Variants in RNF216 observed in about 807,000 individuals in gnomAD.
The protein encoded by RNF216 is E3 ubiquitin-protein ligase RNF216.
Under a neutral mutation model 110.8 loss-of-function variants are expected in RNF216, and 72 were observed. That is an observed-to-expected ratio of 0.65 (90% CI 0.54 to 0.79). The LOEUF (loss-of-function observed/expected upper bound fraction) is 0.79. Ranked by LOEUF, RNF216 falls within the 30% of genes least tolerant of loss-of-function variation. The pLI is 0.00. For synonymous variants in RNF216, 495 were observed against 407.5 expected, an observed-to-expected ratio of 1.21 and a Z score of -2.59; for missense variants, 1,342 against 1,141.2, an observed-to-expected ratio of 1.18 and a Z score of -2.54.
At chr7:5,744,011 C>T (rs1431939017) in intron 3 of RNF216, among the ~76,000 whole-genome samples, 1 of 152,156 alleles carries the variant, frequency 6.6e-6, no homozygotes, top group Non-Finnish European at 1.5e-5. Flanking sequence ...ACTAGGCATA[C>T]AAGAACTTAA....
Position 5,715,118 on chromosome 7 carries a change from C to T in RNF216, c.1768G>A (p.Ala590Thr). ...PFEELTQCAD[A>T]HLFCKECLIR... is the part of the protein sequence containing the mutation. Reference sequence around the variant, plus strand: ...AGACACTCTTTGCAGAACAAGTGAGCATCTGCGCACTGCGTCAGCTCCTCG... The same window carrying T: ...AGACACTCTTTGCAGAACAAGTGAGTATCTGCGCACTGCGTCAGCTCCTCG... Residue 590 changes from alanine (A) to threonine (T), a missense_variant, in exon 11 of 17, where the codon GCT (alanine) becomes ACT (threonine). By Grantham distance (58) the Ala-to-Thr change is moderately conservative. Transcript: ENST00000389902. The T allele has an allele frequency of 6.2e-7, 1 of 1,613,812 alleles. No individual in the cohort carries two copies. The highest frequency in any genetic ancestry group is 8.5e-7 in the Non-Finnish European group (1 of 1,179,920).
At position 5,754,105 on chromosome 7, in the gene RNF216, T is replaced by C. The variant is rs1795479048; in HGVS notation, c.68-1126A>G. On this transcript the variant is annotated intron_variant, in intron 2 of 16. Coordinates refer to ENST00000389902, the MANE Select transcript of RNF216 (RefSeq NM_207111.4). ...AAATTCTTCCATTAAAGCTGTAATG[T>C]TTTTCTTTTGTGTGGTGTGTGTGTG... is the stretch of plus-strand genomic sequence containing the variant. Among the ~76,000 whole-genome samples, 3 of 148,280 alleles carry C rather than the reference T, an allele frequency of 2.0e-5. No individual in the cohort carries two copies. In the South Asian group the frequency reaches 6.4e-4, roughly 32 times the overall value.
At chr7:5,674,938 A>T (rs184450835) in intron 13 of RNF216, among the ~76,000 whole-genome samples, 1 of 152,008 alleles carries the variant, frequency 6.6e-6, no homozygotes, top group African/African-American at 2.4e-5. Context: ...TGGAGGTTGC[A>T]GTGAGCTGAG....
In RNF216 at chr7:5,697,964, A is replaced by G. The variant is rs1353709262; in HGVS notation, c.2061+13797T>C. 2.6e-5 allele frequency among the ~76,000 whole-genome samples: 4 copies of G among 152,126 alleles called. No individual in the cohort carries two copies. The East Asian group carries it at 5.8e-4, about 22-fold the overall frequency. ...ATAAGAGCGGAAGAAATTGTGATCT[A>G]TTTCACCCTCTTTGGGCTAGAATCT... On this transcript the variant is annotated intron_variant, in intron 13 of 16. Transcript: ENST00000389902.
chr7:5,660,112 A>C (rs1010293499), intron 13 of RNF216, among the ~76,000 whole-genome samples: 2 of 151,642 alleles, frequency 1.3e-5, no homozygotes, highest in African/African-American at 4.8e-5. Context: ...GTGCCACCAC[A>C]GCTAAATTTT....
intron 1 of RNF216, among the ~76,000 whole-genome samples, chr7:5,779,783 G>A (rs1291365329): frequency 7.1e-6 from 1 of 140,456 alleles, no homozygotes; most frequent in African/African-American, 2.6e-5. Context: ...GGGCAGAGAT[G>A]GCACCACTGC....
chr7:5,649,411 G>C (rs1042253887), intron 14 of RNF216, among the ~76,000 whole-genome samples: 2 of 151,866 alleles, frequency 1.3e-5, no homozygotes, highest in African/African-American at 4.8e-5. Flanking sequence ...CAGAAAGAAA[G>C]GGAGGGAGGA....
chr7:5,651,252 C>G lies in RNF216; in HGVS notation c.2159+1161G>C, dbSNP rs985174227. Among the ~76,000 whole-genome samples, 6 of 150,794 alleles carry G rather than the reference C, an allele frequency of 4.0e-5. 1 individual carries two copies. The highest frequency in any genetic ancestry group is 8.8e-5 in the Non-Finnish European group (6 of 67,806). ...CTCTTTTTTTTTTTTGAGTTGGAGTCTCGCTCTGTCGCCCAGGCTGTAGTG... is the reference window on the plus strand; with the variant it reads ...CTCTTTTTTTTTTTTGAGTTGGAGTGTCGCTCTGTCGCCCAGGCTGTAGTG... On this transcript the variant is annotated intron_variant, in intron 14 of 16. Transcript: ENST00000389902.
chr7:5,727,292 C>T (rs1028681747), intron 7 of RNF216, among the ~76,000 whole-genome samples: 4 of 152,222 alleles, frequency 2.6e-5, no homozygotes, highest in African/African-American at 9.6e-5. Flanking sequence ...GTTTCACCAC[C>T]TCACCCTTAT....
chr7:5,677,544 C>G (rs550697638), intron 13 of RNF216, among the ~76,000 whole-genome samples: 1 of 152,324 alleles, frequency 6.6e-6, no homozygotes, highest in Non-Finnish European at 1.5e-5. Context: ...ATGGCAAACC[C>G]TTACAAAGGG....
intron 13 of RNF216, among the ~76,000 whole-genome samples, chr7:5,665,527 A>T (rs1789451421): frequency 6.6e-6 from 1 of 152,056 alleles, no homozygotes; most frequent in South Asian, 2.1e-4. Context: ...ATTGGAATAG[A>T]AGCTTTATAT....
intron 1 of RNF216, chr7:5,777,708 T>G (rs1400818477): frequency 6.6e-6 from 1 of 152,172 alleles, no homozygotes; most frequent in Non-Finnish European, 1.5e-5. Context: ...GTGGACAAAA[T>G]ATGGTAAAAT....
chr7:5,623,465 CTTTTT>C (rs34566454), intron 16 of RNF216, among the ~76,000 whole-genome samples: 13 of 142,182 alleles, frequency 9.1e-5, no homozygotes, highest in Non-Finnish European at 3.1e-5. Context: ...GACTCAGTTA[CTTTTT>C]TTTTTTTTTT....
At chr7:5,630,046 T>C (rs1786975162) in intron 15 of RNF216, among the ~76,000 whole-genome samples, 1 of 151,582 alleles carries the variant, frequency 6.6e-6, no homozygotes, top group Admixed American at 6.6e-5. Context: ...ACGCTACAAA[T>C]CTAGGACACA....
At position 5,781,530 on chromosome 7, in the gene RNF216, C is replaced by G. The variant is rs2128690222; in HGVS notation, c.-70+11G>C. On this transcript the variant is annotated intron_variant, in intron 1 of 16. Coordinates refer to ENST00000389902, the MANE Select transcript of RNF216 (RefSeq NM_207111.4). Reference sequence around the variant, plus strand: ...CCAGGAGCTCGAGCGCGCCCCGCAGCCGACACTCACTCGTCACTCAAGTCG... The same window carrying G: ...CCAGGAGCTCGAGCGCGCCCCGCAGGCGACACTCACTCGTCACTCAAGTCG... The G allele has an allele frequency of 6.6e-6, 1 of 152,368 alleles. No individual in the cohort carries two copies. The allele number at this position is 152,368 out of a possible 1,614,324, so 9.4% of individuals were successfully genotyped here.
At chr7:5,685,658 C>T (rs1345677800) in intron 13 of RNF216, among the ~76,000 whole-genome samples, 1 of 152,214 alleles carries the variant, frequency 6.6e-6, no homozygotes, top group African/African-American at 2.4e-5. Flanking sequence ...CAGAAGCCAA[C>T]CTGACATCAG....
At chr7:5,769,893 C>G (rs986970757) in intron 1 of RNF216, among the ~76,000 whole-genome samples, 24 of 144,668 alleles carry the variant, frequency 1.7e-4, no homozygotes, top group African/African-American at 5.9e-4. Context: ...AAAAATTAGC[C>G]AGGCTTGGTG....
intron 2 of RNF216, among the ~76,000 whole-genome samples, chr7:5,758,462 C>T (rs980807251): frequency 6.6e-6 from 1 of 152,212 alleles, no homozygotes; most frequent in Admixed American, 6.5e-5. Context: ...TTGAGCAACA[C>T]TGATTTCAAC....
Position 5,752,889 on chromosome 7 carries a change from T to C in RNF216, c.158A>G (p.Gln53Arg), listed in dbSNP as rs777092689. Reference sequence around the variant, plus strand: ...ATCATCCAGGTCCTCTTCTTCATGCTGCTGAGGAGCTGGGGTGACCAGCAT... The same window carrying C: ...ATCATCCAGGTCCTCTTCTTCATGCCGCTGAGGAGCTGGGGTGACCAGCAT... ...IPMLVTPAPQ[Q>R]HEEEDLDDDV... The change falls in exon 3 of 17, where the codon CAG becomes CGG. Residue 53 changes from glutamine (Q) to arginine (R), a missense_variant. Physicochemically the swap from Gln to Arg is conservative, Grantham distance 43. Transcript: ENST00000389902. 1 of 1,612,848 alleles carries C rather than the reference T, an allele frequency of 6.2e-7. No individual in the cohort carries two copies. The highest frequency in any genetic ancestry group is 8.5e-7 in the Non-Finnish European group (1 of 1,179,460).
Sources: gnomAD v4.1 joint callset for allele counts (sites outside exome capture counted in the v4.1 genomes callset) on GRCh38, gnomAD v4.1.1 for gene constraint, MANE v1.5 for transcripts, NCBI Gene and HGNC (gene_info 2026-07-23, HGNC 2026-07-21) for gene names.